The following ZNF385D variants were observed in gnomAD, a reference collection of about 807,000 sequenced individuals.
ZNF385D encodes zinc finger protein 385D.
ZNF385D carries 15 observed loss-of-function variants against 35.8 expected under a neutral mutation model. The ratio of observed to expected loss-of-function variants is 0.42; its 90% CI spans 0.28 to 0.64. ZNF385D has a LOEUF of 0.64. ZNF385D is among the 30% of genes least tolerant of loss of function. The probability of loss-of-function intolerance (pLI) is 0.23; values close to 1 mark genes in which losing one functional copy is unlikely to be tolerated. For missense variants in ZNF385D, 474 were observed against 494.6 expected (o/e 0.96, Z 0.39); for synonymous variants, 212 against 186.8 (o/e 1.13, Z -1.10).
intron 1 of ZNF385D, among the ~76,000 whole-genome samples, chr3:21,706,375 A>G (rs1167184781): frequency 6.6e-6 from 1 of 152,270 alleles, no homozygotes; most frequent in African/African-American, 2.4e-5. Flanking sequence ...TTACACTGGG[A>G]TCAATGAAGA....
At chr3:22,139,671 C>A (rs1013837222) in intron 3 of ZNF385D, among the ~76,000 whole-genome samples, 1 of 151,884 alleles carries the variant, frequency 6.6e-6, no homozygotes. Context: ...TGTTAAATGA[C>A]GAGTTACTTG....
In ZNF385D at chr3:22,074,257, C is replaced by G. The variant is rs777990812; in HGVS notation, c.325+94560G>C. Among the ~76,000 whole-genome samples, 16 of 151,962 alleles carry G rather than the reference C, an allele frequency of 1.1e-4. 1 individual carries two copies. The highest frequency in any genetic ancestry group is 2.1e-4 in the Non-Finnish European group (14 of 67,934). On this transcript the variant is annotated intron_variant, in intron 3 of 5. Coordinates refer to the ZNF385D transcript ENST00000494108. ...CAAAGACAAGCTGATCCACAATGATCAGCTGGAGTGAAGACATTGATTATG... is the reference window on the plus strand; with the variant it reads ...CAAAGACAAGCTGATCCACAATGATGAGCTGGAGTGAAGACATTGATTATG...
intron 2 of ZNF385D, among the ~76,000 whole-genome samples, chr3:22,284,422 C>T (rs1198218849): frequency 6.6e-6 from 1 of 151,884 alleles, no homozygotes; most frequent in Non-Finnish European, 1.5e-5. Context: ...GATCTCCTGA[C>T]CTTGTGATCT....
At chr3:21,482,763 C>G (rs1488437448) in intron 4 of ZNF385D, among the ~76,000 whole-genome samples, 1 of 152,106 alleles carries the variant, frequency 6.6e-6, no homozygotes, top group Non-Finnish European at 1.5e-5. Context: ...ATCCTTCTAC[C>G]ATGGTACTCT....
At chr3:21,714,956 T>G (rs140306614) in intron 1 of ZNF385D, among the ~76,000 whole-genome samples, 1 of 152,210 alleles carries the variant, frequency 6.6e-6, no homozygotes, top group Non-Finnish European at 1.5e-5. Flanking sequence ...CCCGATGCCC[T>G]TGGCAAGAAC....
chr3:21,752,148 G>A (rs62236196), upstream of ZNF385D, among the ~76,000 whole-genome samples: 28,805 of 151,920 alleles, frequency 0.19, 3,308 homozygotes, highest in Non-Finnish European at 0.25. Flanking sequence ...CATAGAAAAG[G>A]ATATTAGAAA....
intron 2 of ZNF385D, among the ~76,000 whole-genome samples, chr3:22,371,018 T>C (rs567519696): frequency 6.6e-6 from 1 of 152,158 alleles, no homozygotes; most frequent in Non-Finnish European, 1.5e-5. Flanking sequence ...TTTAGCTCCA[T>C]GAAGAGAGTG....
chr3:21,478,103 C>T (rs1285320418), intron 4 of ZNF385D, among the ~76,000 whole-genome samples: 1 of 151,994 alleles, frequency 6.6e-6, no homozygotes, highest in Non-Finnish European at 1.5e-5. Flanking sequence ...TGCAAAAATT[C>T]AATCAATGCA....
chr3:22,273,607 T>G (rs75311373), intron 2 of ZNF385D, among the ~76,000 whole-genome samples: 2,956 of 151,838 alleles, frequency 0.019, 44 homozygotes, highest in Non-Finnish European at 0.028. Flanking sequence ...AAAACAATTT[T>G]CCAACAAAAA....
At chr3:22,286,975 T>C (rs1034559549) in intron 2 of ZNF385D, among the ~76,000 whole-genome samples, 9 of 152,090 alleles carry the variant, frequency 5.9e-5, no homozygotes, top group African/African-American at 2.2e-4. Flanking sequence ...AAGTAGGATG[T>C]TGATCCCCTA....
In ZNF385D at chr3:21,419,185, CCCT is replaced by C. The variant is rs1185510917; in HGVS notation, c.*2026_*2028del. ...CCCCATCTCCTTTCCTTCCTTCCTT[CCCT>C]CCTTTCTTCCTTCCTTCCTTCCATT... is the stretch of plus-strand genomic sequence containing the variant. On this transcript the variant is annotated 3_prime_UTR_variant, in exon 8 of 8. Coordinates refer to ENST00000281523, the MANE Select transcript of ZNF385D (RefSeq NM_024697.3). 6.5e-6 allele frequency: 1 copy of C among 153,670 alleles called. No homozygotes were observed. Among genetic ancestry groups the C allele is most frequent in the African/African-American group, 2.4e-5 (1 of 41,204 alleles). 9.5% of individuals were successfully genotyped at this position (153,670 alleles called of 1,614,324 possible).
intron 2 of ZNF385D, among the ~76,000 whole-genome samples, chr3:22,203,891 T>C (rs926547172): frequency 2.0e-5 from 3 of 152,132 alleles, no homozygotes; most frequent in Admixed American, 6.6e-5. Context: ...TCTCTGGACC[T>C]GCCTGGGGCC....
rs149817140 is a variant in ZNF385D at position 22,028,068 on chromosome 3, C to T, written c.325+140749G>A. Among the ~76,000 whole-genome samples the T allele has an allele frequency of 1.6e-3, 242 of 152,166 alleles. 1 individual carries two copies. The East Asian group carries it at 0.023, about 14-fold the overall frequency. The stretch of plus-strand genomic sequence containing the variant: ...AATGGTCAGATGTACGATTATACAC[C>T]GATTCATGGGCTGTAGTCAATGGTT... On this transcript the variant is annotated intron_variant, in intron 3 of 5. Coordinates refer to the ZNF385D transcript ENST00000494108.
chr3:22,122,109 C>T (rs766978244), intron 3 of ZNF385D, among the ~76,000 whole-genome samples: 2 of 152,080 alleles, frequency 1.3e-5, no homozygotes, highest in African/African-American at 2.4e-5. Context: ...ACTTCTTTAT[C>T]AAGTTTTCTT....
chr3:21,791,453 T>C (rs1035146198), intron 3 of ZNF385D, among the ~76,000 whole-genome samples: 4 of 152,166 alleles, frequency 2.6e-5, no homozygotes, highest in African/African-American at 9.7e-5. Context: ...CTTCAGATAA[T>C]TTGCCCCTTA....
intron 2 of ZNF385D, among the ~76,000 whole-genome samples, chr3:21,596,374 T>C (rs141344758): frequency 1.4e-4 from 21 of 152,292 alleles, no homozygotes; most frequent in African/African-American, 5.1e-4. Flanking sequence ...AACTTACTGT[T>C]CTTCAGAGAT....
At chr3:21,543,448 A>G (rs2062253261) in intron 3 of ZNF385D, among the ~76,000 whole-genome samples, 1 of 151,936 alleles carries the variant, frequency 6.6e-6, no homozygotes, top group Non-Finnish European at 1.5e-5. Flanking sequence ...CAGACGGACT[A>G]GCGAGCAGCA....
intron 3 of ZNF385D, among the ~76,000 whole-genome samples, chr3:21,544,288 G>A (rs1036924879): frequency 1.3e-5 from 2 of 152,212 alleles, no homozygotes; most frequent in African/African-American, 2.4e-5. Flanking sequence ...CCACAGACTT[G>A]ACTAAGAAGG....
chr3:21,471,333 A>C (rs185457448), intron 4 of ZNF385D, among the ~76,000 whole-genome samples: 76 of 121,774 alleles, frequency 6.2e-4, no homozygotes, highest in African/African-American at 2.3e-3. Context: ...ACACACACAC[A>C]CACCTTGGTG....
Sources: allele counts gnomAD v4.1 joint callset (sites outside exome capture counted in the v4.1 genomes callset), GRCh38; gene constraint gnomAD v4.1.1; transcripts MANE v1.5; gene names NCBI Gene and HGNC (gene_info 2026-07-23, HGNC 2026-07-21).